UVRAG: variants seen among roughly 807,000 people sequenced by gnomAD.
UVRAG encodes UV radiation resistance associated, also known as UV radiation resistance-associated gene protein.
In UVRAG, 19 loss-of-function variants were observed where a neutral mutation model predicts 78.0. That is an observed-to-expected ratio of 0.24 (90% CI 0.17 to 0.36). The LOEUF (loss-of-function observed/expected upper bound fraction) is 0.36. Ranked by LOEUF, UVRAG falls within the 10% of genes least tolerant of loss-of-function variation. UVRAG has a pLI of 1.00. For missense variants in UVRAG, 740 were observed against 853.8 expected (o/e 0.87, Z 1.66); for synonymous variants, 323 against 324.6 (o/e 1.00, Z 0.05).
intron 6 of UVRAG, among the ~76,000 whole-genome samples, chr11:75,920,569 A>G (rs1029538353): frequency 6.6e-6 from 1 of 151,886 alleles, no homozygotes; most frequent in Non-Finnish European, 1.5e-5. Context: ...TTTTTGGCTC[A>G]TCTTCTTCTT....
At position 75,991,439 on chromosome 11, in the gene UVRAG, A is replaced by G. The variant is rs530949660; in HGVS notation, c.826+7926A>G. Among the ~76,000 whole-genome samples the G allele has an allele frequency of 3.9e-5, 6 of 152,294 alleles. No individual in the cohort carries two copies. In the East Asian group the frequency reaches 1.2e-3, roughly 29 times the overall value. ...TCTAGTAAGAGTAATAATAGTAGCA[A>G]TAATGTATCCAGTACAGTGCTTATT... On this transcript the variant is annotated intron_variant, in intron 8 of 14. Coordinates refer to ENST00000356136, the MANE Select transcript of UVRAG (RefSeq NM_003369.4).
chr11:75,827,778 G>T (rs1945548516), intron 1 of UVRAG, among the ~76,000 whole-genome samples: 1 of 152,262 alleles, frequency 6.6e-6, no homozygotes, highest in Non-Finnish European at 1.5e-5. Context: ...TCTTTCAGGG[G>T]ATATGAACTA....
chr11:75,909,711 T>A (rs1291556460), intron 5 of UVRAG, among the ~76,000 whole-genome samples: 1 of 152,222 alleles, frequency 6.6e-6, no homozygotes, highest in Non-Finnish European at 1.5e-5. Context: ...GTTTTTTAAA[T>A]GGTAGATCAA....
chr11:75,833,154 T>C (rs1255560558), intron 1 of UVRAG, among the ~76,000 whole-genome samples: 1 of 152,226 alleles, frequency 6.6e-6, no homozygotes, highest in Non-Finnish European at 1.5e-5. Flanking sequence ...ATGGCACCTT[T>C]TATTTTATAA....
chr11:75,909,748 T>G (rs1163654280), intron 5 of UVRAG, among the ~76,000 whole-genome samples: 1 of 152,236 alleles, frequency 6.6e-6, no homozygotes, highest in Non-Finnish European at 1.5e-5. Flanking sequence ...TACATCCAGT[T>G]AATAATATGT....
chr11:75,981,580 G>A (rs879347501), intron 7 of UVRAG, among the ~76,000 whole-genome samples: 2 of 151,988 alleles, frequency 1.3e-5, no homozygotes, highest in South Asian at 4.2e-4. Flanking sequence ...CCACTGAGTC[G>A]TTGGGATTAC....
chr11:76,090,486 T>C (rs1951677395), intron 13 of UVRAG, among the ~76,000 whole-genome samples: 1 of 152,132 alleles, frequency 6.6e-6, no homozygotes, highest in African/African-American at 2.4e-5. Flanking sequence ...AGGCTATCCT[T>C]CCCAGTCTGT....
At chr11:76,097,024 C>A (rs1053765315) in intron 13 of UVRAG, among the ~76,000 whole-genome samples, 1 of 152,114 alleles carries the variant, frequency 6.6e-6, no homozygotes, top group African/African-American at 2.4e-5. Context: ...GCGTGCAACC[C>A]CTTCTGTTAG....
intron 4 of UVRAG, among the ~76,000 whole-genome samples, chr11:75,885,867 A>G (rs1231363521): frequency 6.6e-6 from 1 of 152,158 alleles, no homozygotes; most frequent in Non-Finnish European, 1.5e-5. Flanking sequence ...CTTATTCCTA[A>G]TACATTATTA....
At chr11:75,916,019 G>A (rs919243457) in intron 6 of UVRAG, 1 of 151,994 alleles carries the variant, frequency 6.6e-6, no homozygotes, top group Non-Finnish European at 1.5e-5. Flanking sequence ...TCATTTTTTG[G>A]TTGTTTTTTC....
intron 13 of UVRAG, among the ~76,000 whole-genome samples, chr11:76,074,878 T>C (rs2134398666): frequency 6.6e-6 from 1 of 152,292 alleles, no homozygotes; most frequent in Admixed American, 6.5e-5. Flanking sequence ...CCCTTCCTTT[T>C]ACCCTATTAC....
At chr11:75,865,500 G>A (rs2134801442) in intron 3 of UVRAG, among the ~76,000 whole-genome samples, 1 of 152,166 alleles carries the variant, frequency 6.6e-6, no homozygotes. Context: ...TTGAAATGTG[G>A]TTCAGTCCTA....
chr11:75,938,011 G>C (rs1395311711), intron 6 of UVRAG, among the ~76,000 whole-genome samples: 1 of 151,630 alleles, frequency 6.6e-6, no homozygotes, highest in Non-Finnish European at 1.5e-5. Context: ...CAGGTTTACT[G>C]TTTTTCTTGT....
chr11:75,945,699 T>G (rs1341064121), intron 6 of UVRAG, among the ~76,000 whole-genome samples: 1 of 152,106 alleles, frequency 6.6e-6, no homozygotes, highest in Non-Finnish European at 1.5e-5. Flanking sequence ...CTGCCTGCCT[T>G]TTTACCTCAT....
intron 5 of UVRAG, among the ~76,000 whole-genome samples, chr11:75,898,219 T>A (rs1291595537): frequency 6.6e-6 from 1 of 152,182 alleles, no homozygotes; most frequent in Non-Finnish European, 1.5e-5. Context: ...TATTCCAGCC[T>A]TATAACAACC....
chr11:75,922,628 G>T (rs1403678990), intron 6 of UVRAG, among the ~76,000 whole-genome samples: 1 of 152,100 alleles, frequency 6.6e-6, no homozygotes, highest in African/African-American at 2.4e-5. Flanking sequence ...TCAGTAGTTT[G>T]CTGTTCAGAA....
intron 12 of UVRAG, 91 bp from the exon 13 acceptor site, chr11:76,065,619 T>A: frequency 3.6e-6 from 4 of 1,098,300 alleles, no homozygotes; most frequent in Non-Finnish European, 5.5e-6. Flanking sequence ...ATGTTTATGC[T>A]GTATCTAAGA....
intron 12 of UVRAG, among the ~76,000 whole-genome samples, chr11:76,064,576 A>G (rs1482395515): frequency 6.6e-6 from 1 of 152,202 alleles, no homozygotes; most frequent in Non-Finnish European, 1.5e-5. Context: ...TAGAGAATAA[A>G]TACAGTTCAG....
chr11:75,953,344 A>G (rs1360804302), intron 6 of UVRAG, among the ~76,000 whole-genome samples: 1 of 152,206 alleles, frequency 6.6e-6, no homozygotes, highest in Non-Finnish European at 1.5e-5. Context: ...AATCTTTCCC[A>G]GCTTAAAACT....
Sources: gnomAD v4.1 joint callset for allele counts (sites outside exome capture counted in the v4.1 genomes callset) on GRCh38, gnomAD v4.1.1 for gene constraint, MANE v1.5 for transcripts, NCBI Gene and HGNC (gene_info 2026-07-23, HGNC 2026-07-21) for gene names.